TCF12: variants seen among roughly 807,000 people sequenced by gnomAD.
The protein encoded by TCF12 is transcription factor 12.
In TCF12, 45 loss-of-function variants were observed where a neutral mutation model predicts 86.0. That is an observed-to-expected ratio of 0.52 (90% CI 0.41 to 0.67). The LOEUF is 0.67. Ranked by LOEUF, TCF12 falls within the 30% of genes least tolerant of loss-of-function variation. The probability of loss-of-function intolerance (pLI) is 0.00; values close to 1 mark genes in which losing one functional copy is unlikely to be tolerated. For missense variants in TCF12, 881 were observed against 859.9 expected, an observed-to-expected ratio of 1.02 and a Z score of -0.31; for synonymous variants, 330 against 299.6, an observed-to-expected ratio of 1.10 and a Z score of -1.05.
intron 2 of TCF12, among the ~76,000 whole-genome samples, chr15:56,920,405 A>G (rs1396503723): frequency 6.6e-6 from 1 of 152,000 alleles, no homozygotes; most frequent in African/African-American, 2.4e-5. Flanking sequence ...TACCTGAAAG[A>G]TGTCAGCGAC....
chr15:57,189,877 C>T (rs2056889684), intron 6 of TCF12, among the ~76,000 whole-genome samples: 1 of 152,088 alleles, frequency 6.6e-6, no homozygotes, highest in Non-Finnish European at 1.5e-5. Flanking sequence ...GTGGTATAGC[C>T]ATACTAAATG....
At chr15:57,151,467 A>G (rs2053754148) in intron 5 of TCF12, among the ~76,000 whole-genome samples, 1 of 152,114 alleles carries the variant, frequency 6.6e-6, no homozygotes, top group Non-Finnish European at 1.5e-5. Flanking sequence ...GTGGAAAACT[A>G]TAAAGAATGC....
chr15:57,036,691 GA>G (rs1329992948), intron 3 of TCF12, among the ~76,000 whole-genome samples: 18 of 151,774 alleles, frequency 1.2e-4, no homozygotes, highest in Admixed American at 1.2e-3. Flanking sequence ...TTTTTTAATT[GA>G]AAATTTAAAA....
intron 16 of TCF12, among the ~76,000 whole-genome samples, chr15:57,254,857 C>CAAAAAAAAAAA (rs777934020): frequency 4.9e-5 from 5 of 102,596 alleles, no homozygotes; most frequent in African/African-American, 9.3e-5. Context: ...GACCCTGTCT[C>CAAAAAAAAAAA]AAAAAAAAAA....
At chr15:57,195,972 C>G (rs535319915) in intron 7 of TCF12, among the ~76,000 whole-genome samples, 2 of 152,274 alleles carry the variant, frequency 1.3e-5, no homozygotes, top group African/African-American at 4.8e-5. Flanking sequence ...CCACTGCACT[C>G]CAGCCTGGCC....
At chr15:56,961,470 C>T (rs2061750188) in intron 3 of TCF12, among the ~76,000 whole-genome samples, 1 of 152,136 alleles carries the variant, frequency 6.6e-6, no homozygotes, top group Non-Finnish European at 1.5e-5. Flanking sequence ...TTTGTATAAG[C>T]AACCGCAAAA....
chr15:57,072,042 T>C (rs1463522773), intron 4 of TCF12, among the ~76,000 whole-genome samples: 1 of 152,238 alleles, frequency 6.6e-6, no homozygotes, highest in African/African-American at 2.4e-5. Context: ...CAAAATGTTT[T>C]ATAAATATTA....
intron 3 of TCF12, among the ~76,000 whole-genome samples, chr15:57,017,273 A>G (rs1235508505): frequency 2.0e-5 from 3 of 152,196 alleles, no homozygotes; most frequent in African/African-American, 7.2e-5. Context: ...AAAGGCATAT[A>G]CCCTTCAGCC....
chr15:57,101,705 T>C (rs1397851789), intron 5 of TCF12, among the ~76,000 whole-genome samples: 1 of 152,234 alleles, frequency 6.6e-6, no homozygotes, highest in Non-Finnish European at 1.5e-5. Flanking sequence ...ATACATGATA[T>C]GTTTTGGTGG....
At chr15:57,088,496 GTTTT>G (rs5812864) in intron 4 of TCF12, among the ~76,000 whole-genome samples, 20 of 146,756 alleles carry the variant, frequency 1.4e-4, no homozygotes, top group Middle Eastern at 7.1e-3. Flanking sequence ...AATTGCTTTA[GTTTT>G]TTTTTTTTTT....
chr15:56,979,131 A>G (rs1039098333), intron 3 of TCF12, among the ~76,000 whole-genome samples: 25 of 152,134 alleles, frequency 1.6e-4, no homozygotes, highest in African/African-American at 4.8e-4. Flanking sequence ...ACTTTGACTC[A>G]TACCTTTGTT....
In TCF12 at chr15:57,233,143, T is replaced by C. The variant is rs12440036; in HGVS notation, c.970+287T>C. Among the ~76,000 whole-genome samples the C allele has an allele frequency of 0.04, 6,016 of 150,188 alleles. 365 individuals carry two copies. The highest frequency in any genetic ancestry group is 0.17 in the Admixed American group (2,490 of 14,978). On this transcript the variant is annotated intron_variant, in intron 11 of 20. Coordinates refer to ENST00000333725, the MANE Select transcript of TCF12 (RefSeq NM_207037.2). ...GTGTATATATGTATATATGTATATATATGTGTATATATGTGTGTGTATATA... is the reference window on the plus strand; with the variant it reads ...GTGTATATATGTATATATGTATATACATGTGTATATATGTGTGTGTATATA...
intron 6 of TCF12, among the ~76,000 whole-genome samples, chr15:57,180,025 G>C (rs1262433526): frequency 1.3e-5 from 2 of 152,172 alleles, no homozygotes; most frequent in South Asian, 2.1e-4. Context: ...TCTCAGGATA[G>C]AATTCTTTAA....
chr15:57,153,365 A>C (rs1428760092), intron 5 of TCF12, among the ~76,000 whole-genome samples: 2 of 152,222 alleles, frequency 1.3e-5, no homozygotes, highest in Non-Finnish European at 2.9e-5. Flanking sequence ...ACAGTACATA[A>C]ACAAGTGAGC....
intron 3 of TCF12, among the ~76,000 whole-genome samples, chr15:56,990,140 C>T (rs1203238213): frequency 7.9e-6 from 1 of 125,878 alleles, no homozygotes; most frequent in African/African-American, 3.0e-5. Flanking sequence ...TATTTTTAGG[C>T]ATAGTCTTGT....
At chr15:57,206,268 C>T (rs1267701866) in intron 8 of TCF12, among the ~76,000 whole-genome samples, 1 of 152,024 alleles carries the variant, frequency 6.6e-6, no homozygotes, top group Non-Finnish European at 1.5e-5. Context: ...TTTGGGAGGC[C>T]GAGGCAGGCA....
chr15:57,042,407 C>G (rs1277402550), intron 3 of TCF12, among the ~76,000 whole-genome samples: 1 of 151,960 alleles, frequency 6.6e-6, no homozygotes, highest in South Asian at 2.1e-4. Flanking sequence ...TGCAAAAAAA[C>G]GTGATTTTCC....
intron 3 of TCF12, among the ~76,000 whole-genome samples, chr15:57,052,704 A>C (rs549106905): frequency 6.6e-6 from 1 of 152,170 alleles, no homozygotes; most frequent in Admixed American, 6.5e-5. Flanking sequence ...CCTTATGTTA[A>C]GTAACAGTGT....
In TCF12 at chr15:57,221,782, A is replaced by G. The variant is rs560440955; in HGVS notation, c.580-9370A>G. ...CCTCTAGTTTTTAAAATTATTCTCT[A>G]GTAGTTATTAGAAGTCATTGGCAAC... On this transcript the variant is annotated intron_variant, in intron 8 of 20. Transcript: ENST00000333725. Among the ~76,000 whole-genome samples the G allele has an allele frequency of 6.2e-4, 94 of 152,204 alleles. 1 individual carries two copies. Among genetic ancestry groups the G allele is most frequent in the South Asian group, 1.5e-3 (7 of 4,822 alleles).
Sources: gnomAD v4.1 joint callset for allele counts (sites outside exome capture counted in the v4.1 genomes callset) on GRCh38, gnomAD v4.1.1 for gene constraint, MANE v1.5 for transcripts, NCBI Gene and HGNC (gene_info 2026-07-23, HGNC 2026-07-21) for gene names.